SETBP1: variants seen among roughly 807,000 people sequenced by gnomAD.
The protein encoded by SETBP1 is SET binding protein 1.
In SETBP1, 9 loss-of-function variants were observed where a neutral mutation model predicts 101.0. The ratio of observed to expected loss-of-function variants is 0.09; its 90% CI spans 0.05 to 0.16. The LOEUF is 0.16. SETBP1 is among the 10% of genes least tolerant of loss of function. The probability of loss-of-function intolerance (pLI) is 1.00; values close to 1 mark genes in which losing one functional copy is unlikely to be tolerated. For synonymous variants in SETBP1, 818 were observed against 788.5 expected, an observed-to-expected ratio of 1.04 and a Z score of -0.63; for missense variants, 1,858 against 2,033.8, an observed-to-expected ratio of 0.91 and a Z score of 1.66.
chr18:44,913,543 C>T (rs1568213928), intron 3 of SETBP1, among the ~76,000 whole-genome samples: 1 of 152,184 alleles, frequency 6.6e-6, no homozygotes, highest in African/African-American at 2.4e-5. Flanking sequence ...CTGGGTACAA[C>T]TTGAACATGT....
intron 2 of SETBP1, among the ~76,000 whole-genome samples, chr18:44,855,205 G>A (rs1252374574): frequency 6.6e-6 from 1 of 151,366 alleles, no homozygotes; most frequent in Non-Finnish European, 1.5e-5. Context: ...GATCGTTATT[G>A]TTTATTGTTA....
chr18:45,063,006 C>T lies in SETBP1; in HGVS notation c.4172-73C>T. On this transcript the variant is annotated intron_variant, in intron 5 of 5. Coordinates refer to ENST00000649279, the MANE Select transcript of SETBP1 (RefSeq NM_015559.3). ...TCTTTATAGCCAAGTAGAATGCTAG[C>T]TGTCAGTGAAGAGGCTGAGTTGAAG... 3.1e-6 allele frequency: 5 copies of T among 1,601,406 alleles called. No homozygotes were observed. In the Admixed American group the frequency reaches 8.4e-5, roughly 27 times the overall value.
intron 4 of SETBP1, among the ~76,000 whole-genome samples, chr18:44,967,530 G>A (rs1203886851): frequency 6.6e-6 from 1 of 152,180 alleles, no homozygotes; most frequent in African/African-American, 2.4e-5. Flanking sequence ...AAGTCAAGTG[G>A]GCACAGGTGA....
In SETBP1 at chr18:45,065,298, C is replaced by T. The variant is rs1306370340; in HGVS notation, c.*1600C>T. ...TAAGTATTTTCAATTTCCTCCCTCACTCCCTCTTACCTTCCCCAAGACATC... is the reference window on the plus strand; with the variant it reads ...TAAGTATTTTCAATTTCCTCCCTCATTCCCTCTTACCTTCCCCAAGACATC... On this transcript the variant is annotated 3_prime_UTR_variant, in exon 6 of 6. Coordinates refer to ENST00000649279, the MANE Select transcript of SETBP1 (RefSeq NM_015559.3). The T allele has an allele frequency of 6.6e-6, 1 of 152,218 alleles. No homozygotes were observed. Among genetic ancestry groups the T allele is most frequent in the Non-Finnish European group, 1.5e-5 (1 of 68,032 alleles). 9.4% of individuals were successfully genotyped at this position (152,218 alleles called of 1,614,324 possible). A position where few individuals can be genotyped will look rare whatever the true frequency, so the allele number is the denominator to read the frequency against.
At chr18:44,689,792 A>G (rs1456025758) in intron 1 of SETBP1, among the ~76,000 whole-genome samples, 1 of 152,154 alleles carries the variant, frequency 6.6e-6, no homozygotes, top group East Asian at 1.9e-4. Flanking sequence ...TAGAGGGAGA[A>G]AGGAGAACAG....
chr18:44,830,534 T>A (rs2072339912), intron 2 of SETBP1, among the ~76,000 whole-genome samples: 1 of 152,186 alleles, frequency 6.6e-6, no homozygotes. Flanking sequence ...AGTCCTCTAA[T>A]TGCACTGAGG....
chr18:44,848,099 G>GTC (rs1476881693), intron 2 of SETBP1, among the ~76,000 whole-genome samples: 1 of 140,810 alleles, frequency 7.1e-6, no homozygotes. Context: ...GTGTGTGTGT[G>GTC]TGTGTAACCT....
chr18:45,028,930 A>G (rs1305838088), intron 4 of SETBP1, among the ~76,000 whole-genome samples: 2 of 151,798 alleles, frequency 1.3e-5, no homozygotes, highest in Non-Finnish European at 2.9e-5. Flanking sequence ...CAGATGAGTA[A>G]GTTGCGAAAA....
rs2069679909 is a variant in SETBP1 at position 44,725,164 on chromosome 18, T to A, written c.486+23332T>A. ...TCTCTCCCAAGGCTAGGGAGACACA[T>A]AAGCAGGTGATTGCAACACGTGAGA... On this transcript the variant is annotated intron_variant, in intron 2 of 5. Coordinates refer to ENST00000649279, the MANE Select transcript of SETBP1 (RefSeq NM_015559.3). Among the ~76,000 whole-genome samples, 4 of 152,322 alleles carry A rather than the reference T, an allele frequency of 2.6e-5. No individual in the cohort carries two copies. In the South Asian group the frequency reaches 8.3e-4, roughly 32 times the overall value.
intron 2 of SETBP1, among the ~76,000 whole-genome samples, chr18:44,764,481 C>T (rs1404804946): frequency 6.6e-6 from 1 of 151,864 alleles, no homozygotes; most frequent in Non-Finnish European, 1.5e-5. Flanking sequence ...CTTCTTTCTT[C>T]TTCTTCTTCT....
At chr18:44,999,205 G>C (rs1311378279) in intron 4 of SETBP1, among the ~76,000 whole-genome samples, 6 of 151,994 alleles carry the variant, frequency 3.9e-5, no homozygotes, top group Admixed American at 3.9e-4. Flanking sequence ...TAATAGTCTG[G>C]TCTCCCTAGT....
chr18:44,709,736 G>T (rs1385708287), intron 2 of SETBP1, among the ~76,000 whole-genome samples: 2 of 151,434 alleles, frequency 1.3e-5, no homozygotes, highest in African/African-American at 4.9e-5. Flanking sequence ...GTTGAATTAT[G>T]TTAGCTGGGG....
Position 44,701,209 on chromosome 18 carries a change from G to T in SETBP1, c.-138G>T. 1 of 893,076 alleles carries T rather than the reference G, an allele frequency of 1.1e-6. No individual in the cohort carries two copies. 55.3% of individuals were successfully genotyped at this position (893,076 alleles called of 1,614,324 possible). On this transcript the variant is annotated 5_prime_UTR_variant, in exon 2 of 6. Coordinates refer to ENST00000649279, the MANE Select transcript of SETBP1 (RefSeq NM_015559.3). ...TGATCTCTTCTGAACACCTCATCGTGTCTCCATCCCTGGGAATCTGACCCT... is the reference window on the plus strand; with the variant it reads ...TGATCTCTTCTGAACACCTCATCGTTTCTCCATCCCTGGGAATCTGACCCT...
intron 2 of SETBP1, among the ~76,000 whole-genome samples, chr18:44,761,853 G>T (rs1216943068): frequency 6.6e-6 from 1 of 152,176 alleles, no homozygotes; most frequent in Non-Finnish European, 1.5e-5. Flanking sequence ...AAGGCAAGGA[G>T]AAATCAGTTG....
chr18:45,001,174 G>A (rs2072611046), intron 4 of SETBP1, among the ~76,000 whole-genome samples: 2 of 152,114 alleles, frequency 1.3e-5, no homozygotes, highest in Non-Finnish European at 2.9e-5. Context: ...AATTGGGACT[G>A]ACAGTGACTT....
chr18:45,017,359 A>C (rs1413998886), intron 4 of SETBP1, among the ~76,000 whole-genome samples: 1 of 152,202 alleles, frequency 6.6e-6, no homozygotes, highest in African/African-American at 2.4e-5. Context: ...GGACTCTGCA[A>C]AATGTGTCCC....
intron 2 of SETBP1, among the ~76,000 whole-genome samples, chr18:44,753,996 T>C (rs886993461): frequency 2.0e-5 from 3 of 152,328 alleles, no homozygotes; most frequent in Middle Eastern, 6.8e-3. Context: ...CATGCAAAGT[T>C]ATTTCTAATA....
intron 2 of SETBP1, among the ~76,000 whole-genome samples, chr18:44,810,323 T>C (rs1426900780): frequency 1.3e-5 from 2 of 152,216 alleles, no homozygotes; most frequent in African/African-American, 4.8e-5. Context: ...AAAATTGAAC[T>C]AGACAATGTA....
chr18:44,818,475 A>G (rs1476936106), intron 2 of SETBP1, among the ~76,000 whole-genome samples: 1 of 152,092 alleles, frequency 6.6e-6, no homozygotes, highest in African/African-American at 2.4e-5. Context: ...TGGGTTTAAA[A>G]CCAGTGACCA....
Sources: gnomAD v4.1 joint callset for allele counts (sites outside exome capture counted in the v4.1 genomes callset) on GRCh38, gnomAD v4.1.1 for gene constraint, MANE v1.5 for transcripts, NCBI Gene and HGNC (gene_info 2026-07-23, HGNC 2026-07-21) for gene names.